The following COL4A3 variants were observed in gnomAD, a reference collection of about 807,000 sequenced individuals.
COL4A3 encodes the protein collagen alpha-3(IV) chain.
Under a neutral mutation model 217.4 loss-of-function variants are expected in COL4A3, and 135 were observed. The observed-to-expected ratio is 0.62, with a 90% CI of 0.54 to 0.72. The LOEUF (loss-of-function observed/expected upper bound fraction) is 0.72. COL4A3 is among the 30% of genes least tolerant of loss of function. The pLI is 0.00. For synonymous variants in COL4A3, 690 were observed against 736.3 expected (o/e 0.94, Z 1.02); for missense variants, 1,868 against 2,119.9 (o/e 0.88, Z 2.33).
intron 20 of COL4A3, 50 bp from the exon 21 acceptor site, chr2:227,263,730 T>C: frequency 1.3e-6 from 2 of 1,543,494 alleles, no homozygotes; most frequent in Non-Finnish European, 1.8e-6. Context: ...AATAAATTCG[T>C]ATTAATCAGG....
chr2:227,262,023 A>C (rs1390189158), intron 20 of COL4A3, among the ~76,000 whole-genome samples: 3 of 152,226 alleles, frequency 2.0e-5, no homozygotes, highest in Non-Finnish European at 2.9e-5. Flanking sequence ...GCCACTGATC[A>C]TATTTTTCTC....
chr2:227,247,702 T>G (rs2069434847), intron 8 of COL4A3, 118 bp downstream of exon 8: 1 of 1,034,404 alleles, frequency 9.7e-7, no homozygotes. Context: ...CAGACCTTAA[T>G]CATTCAGAAA....
chr2:227,209,194 C>T (rs2067219605), intron 1 of COL4A3, among the ~76,000 whole-genome samples: 2 of 152,222 alleles, frequency 1.3e-5, no homozygotes, highest in South Asian at 4.1e-4. Flanking sequence ...GAAAGGTCAT[C>T]CCAGGATAAT....
In COL4A3 at chr2:227,266,432, G is replaced by C. The variant is rs761355107; in HGVS notation, c.1331G>C (p.Arg444Pro). 1 of 1,613,926 alleles carries C rather than the reference G, an allele frequency of 6.2e-7. No individual in the cohort carries two copies. Among genetic ancestry groups the C allele is most frequent in the Non-Finnish European group, 8.5e-7 (1 of 1,179,892 alleles). ...ATTTTTATAGGTGACATCGTTTTTC[G>C]CAAGGGTCCACCTGGAGATCACGGA... The part of the protein sequence containing the change: ...PPGPPGDIVF[R>P]KGPPGDHGLP... Residue 444 changes from arginine to proline, a missense_variant, in exon 22 of 52, where the codon CGC (arginine) becomes CCC (proline). Transcript: ENST00000396578.
At chr2:227,184,936 C>G (rs1458306837) in intron 1 of COL4A3, among the ~76,000 whole-genome samples, 1 of 119,436 alleles carries the variant, frequency 8.4e-6, no homozygotes, top group African/African-American at 3.2e-5. Context: ...GAGTCTCACT[C>G]TGTCGCCCAG....
chr2:227,246,151 A>T, intron 6 of COL4A3, 135 bp downstream of exon 6: 1 of 744,824 alleles, frequency 1.3e-6, no homozygotes, highest in South Asian at 1.5e-5. Flanking sequence ...CATAATTTGG[A>T]GGCAGGAAAC....
chr2:227,282,468 A>G lies in COL4A3; in HGVS notation c.2592A>G (p.Gln864=). The change falls in exon 32 of 52, where the codon CAA becomes CAG. Residue 864 remains glutamine (Q), a synonymous_variant. Transcript: ENST00000396578. The surrounding 1 kb of genome is among the most constrained non-coding windows in gnomAD (Gnocchi z 4.4). The part of the protein sequence containing the change: ...ETGSPGIPGH[Q]GEMGPLGQRG... ...GATCACCAGGAATTCCAGGTCATCA[A>G]GGTGAAATGGGACCACTGGGTCAAA... 1.2e-6 allele frequency: 2 copies of G among 1,613,940 alleles called. No individual in the cohort carries two copies. Among genetic ancestry groups the G allele is most frequent in the Non-Finnish European group, 1.7e-6 (2 of 1,179,974 alleles).
At chr2:227,213,334 C>T (rs1205117679) in intron 1 of COL4A3, among the ~76,000 whole-genome samples, 1 of 152,136 alleles carries the variant, frequency 6.6e-6, no homozygotes, top group African/African-American at 2.4e-5. Flanking sequence ...CTATTCTATA[C>T]TAGGTGTTGG....
Position 227,309,468 on chromosome 2 carries a change from AC to A in COL4A3, c.4755+151del. 1.9e-5 allele frequency: 12 copies of A among 637,814 alleles called. No homozygotes were observed. The South Asian group carries it at 2.2e-4, about 12-fold the overall frequency. The allele number at this position is 637,814 out of a possible 1,614,324, so 39.5% of individuals were successfully genotyped here. On this transcript the variant is annotated intron_variant, in intron 50 of 51. Transcript: ENST00000396578. ...CATTTCCTTGAAAATCTACAAACAG[AC>A]TTTTTTTTTTTACTTTTGGTAAATA...
intron 1 of COL4A3, among the ~76,000 whole-genome samples, chr2:227,210,872 G>A (rs1279411421): frequency 3.4e-5 from 1 of 29,202 alleles, no homozygotes; most frequent in African/African-American, 6.5e-5. Flanking sequence ...AGTTTCACCT[G>A]TTTGGGGGGA....
intron 23 of COL4A3, among the ~76,000 whole-genome samples, chr2:227,269,151 A>G (rs1307459488): frequency 6.6e-6 from 1 of 152,256 alleles, no homozygotes; most frequent in Non-Finnish European, 1.5e-5. Flanking sequence ...TTAAATACCT[A>G]TGGGAAGTAT....
At chr2:227,304,890 C>A in intron 46 of COL4A3, 95 bp from the exon 47 acceptor site, 2 of 1,035,796 alleles carry the variant, frequency 1.9e-6, no homozygotes, top group Non-Finnish European at 2.9e-6. Context: ...ACTTTCATTC[C>A]TGAAACTGAG....
In COL4A3 at chr2:227,311,927, G is replaced by C; in HGVS notation, c.*57G>C. 3 of 1,606,444 alleles carry C rather than the reference G, an allele frequency of 1.9e-6. No homozygotes were observed. Among genetic ancestry groups the C allele is most frequent in the Non-Finnish European group, 2.6e-6 (3 of 1,175,540 alleles). ...CATCCTAAAGAACAAAGTAATGACA[G>C]AACATGCTGTTATTTAGGTATTTTT... On this transcript the variant is annotated 3_prime_UTR_variant, in exon 52 of 52. Coordinates refer to ENST00000396578, the MANE Select transcript of COL4A3 (RefSeq NM_000091.5).
rs570976507 is a variant in COL4A3 at position 227,190,146 on chromosome 2, C to A, written c.87+25333C>A. 3.3e-5 allele frequency among the ~76,000 whole-genome samples: 5 copies of A among 152,346 alleles called. No individual in the cohort carries two copies. In the South Asian group the frequency reaches 1.0e-3, roughly 32 times the overall value. ...ATGCATCTTAGCTGCAGTCACTATT[C>A]ATAAATGAGTTGAAAAATTCATCAA... On this transcript the variant is annotated intron_variant, in intron 1 of 51. Transcript: ENST00000396578.
Position 227,282,425 on chromosome 2 carries a change from G to T in COL4A3, c.2549G>T (p.Gly850Val), listed in dbSNP as rs1454995836. 6.2e-7 allele frequency: 1 copy of T among 1,613,846 alleles called. No homozygotes were observed. The highest frequency in any genetic ancestry group is 2.2e-5 in the East Asian group (1 of 44,876). Residue 850 changes from glycine (G) to valine (V), a missense_variant, in exon 32 of 52, where the codon GGA becomes GTA. This residue lies in a region of COL4A3 where 1,503 missense variants were observed against 1,786.1 expected (regional missense o/e 0.84). Transcript: ENST00000396578. This position sits in a 1 kb window ranked among gnomAD's most constrained non-coding sequence, Gnocchi z 4.4. ...DPGIPGLDRSGFPGETGSPGI... is the reference protein window; with the variant it reads ...DPGIPGLDRSVFPGETGSPGI... ...GGAATTCCAGGCTTGGATAGATCAG[G>T]ATTTCCTGGAGAAACTGGATCACCA...
At chr2:227,299,029 T>C (rs1314213066) in intron 43 of COL4A3, among the ~76,000 whole-genome samples, 1 of 152,146 alleles carries the variant, frequency 6.6e-6, no homozygotes, top group Non-Finnish European at 1.5e-5. Flanking sequence ...CTTATAATCA[T>C]GGCAGAAGGC....
At chr2:227,225,637 AT>A (rs573522861) in intron 1 of COL4A3, among the ~76,000 whole-genome samples, 60 of 146,264 alleles carry the variant, frequency 4.1e-4, no homozygotes, top group Middle Eastern at 3.6e-3. Flanking sequence ...CGAGGTAGAG[AT>A]TTTTTTTTTT....
intron 1 of COL4A3, among the ~76,000 whole-genome samples, chr2:227,198,159 A>G (rs1254614440): frequency 6.6e-6 from 1 of 152,220 alleles, no homozygotes; most frequent in African/African-American, 2.4e-5. Context: ...GATTTAATTC[A>G]GTTCTCAGCT....
In COL4A3 at chr2:227,279,837, G is replaced by A; in HGVS notation, c.2170G>A (p.Gly724Arg). The A allele has an allele frequency of 1.2e-6, 2 of 1,610,542 alleles. No homozygotes were observed. Among genetic ancestry groups the A allele is most frequent in the South Asian group, 1.1e-5 (1 of 89,978 alleles). Residue 724 changes from glycine (G) to arginine (R), a missense_variant, in exon 29 of 52, where the codon GGA (glycine) becomes AGA (arginine). Around this residue, in one of 2 missense-constraint regions of COL4A3, gnomAD observed 1,503 missense variants for 1,786.1 expected, o/e 0.84. Coordinates refer to ENST00000396578, the MANE Select transcript of COL4A3 (RefSeq NM_000091.5). Reference sequence around the variant, plus strand: ...TACAAAAGGATCACTGGGTTGTCCTGGAAAAATGGGAGAGCCTGGGTTACC... The same window carrying A: ...TACAAAAGGATCACTGGGTTGTCCTAGAAAAATGGGAGAGCCTGGGTTACC... ...PGTKGSLGCP[G>R]KMGEPGLPGK...
Sources: gnomAD v4.1 joint callset for allele counts (sites outside exome capture counted in the v4.1 genomes callset) on GRCh38, gnomAD v4.1.1 for gene constraint, gnomAD v4.1.1 regional missense constraint, Gnocchi (gnomAD v3.1) non-coding constraint, MANE v1.5 for transcripts, NCBI Gene and HGNC (gene_info 2026-07-23, HGNC 2026-07-21) for gene names.